SGCZ: variants seen among roughly 807,000 people sequenced by gnomAD.
SGCZ encodes the protein zeta-sarcoglycan.
Under a neutral mutation model 41.3 loss-of-function variants are expected in SGCZ, and 40 were observed. That is an observed-to-expected ratio of 0.97 (90% CI 0.75 to 1.26). The LOEUF (loss-of-function observed/expected upper bound fraction) is 1.26. Ranked by LOEUF, SGCZ falls within the 50% of genes most tolerant of loss-of-function variation. The pLI is 0.00. For missense variants in SGCZ, 552 were observed against 369.8 expected, an observed-to-expected ratio of 1.49 and a Z score of -4.04; for synonymous variants, 206 against 137.5, an observed-to-expected ratio of 1.50 and a Z score of -3.49.
At chr8:15,059,215 T>C (rs1484212301) in intron 1 of SGCZ, among the ~76,000 whole-genome samples, 1 of 152,160 alleles carries the variant, frequency 6.6e-6, no homozygotes, top group Non-Finnish European at 1.5e-5. Flanking sequence ...AAAATATTTT[T>C]ATTGCCTTCC....
intron 1 of SGCZ, among the ~76,000 whole-genome samples, chr8:14,558,753 A>G (rs1431969187): frequency 1.3e-5 from 2 of 152,132 alleles, no homozygotes; most frequent in African/African-American, 4.8e-5. Flanking sequence ...ATACTAGCTA[A>G]CCAAATCCAA....
At position 14,373,285 on chromosome 8, in the gene SGCZ, C is replaced by A. The variant is rs530393654; in HGVS notation, c.235-49081G>T. ...GAAAAGATTTACTGGAACATCGATG[C>A]ATAATTAACAGTTTCATTTTGGACA... On this transcript the variant is annotated intron_variant, in intron 2 of 7. Transcript: ENST00000382080. 2.0e-4 allele frequency among the ~76,000 whole-genome samples: 31 copies of A among 152,250 alleles called. No individual in the cohort carries two copies. In the South Asian group the frequency reaches 6.2e-3, roughly 31 times the overall value.
chr8:14,495,353 T>G (rs1420674816), intron 2 of SGCZ, among the ~76,000 whole-genome samples: 1 of 152,202 alleles, frequency 6.6e-6, no homozygotes, highest in Non-Finnish European at 1.5e-5. Flanking sequence ...ATATGTCTGC[T>G]GAATAAATTA....
chr8:14,714,448 TA>T (rs1291927588), intron 1 of SGCZ, among the ~76,000 whole-genome samples: 1 of 152,244 alleles, frequency 6.6e-6, no homozygotes, highest in East Asian at 1.9e-4. Flanking sequence ...AACTGGCATT[TA>T]AAAACTTACA....
chr8:14,198,587 A>C (rs141698215), intron 4 of SGCZ, among the ~76,000 whole-genome samples: 2 of 106,200 alleles, frequency 1.9e-5, no homozygotes, highest in Non-Finnish European at 3.6e-5. Context: ...ACCAGAATCT[A>C]AAATAAAAGT....
At chr8:14,790,534 G>A (rs1447167552) in intron 1 of SGCZ, among the ~76,000 whole-genome samples, 1 of 152,026 alleles carries the variant, frequency 6.6e-6, no homozygotes, top group South Asian at 2.1e-4. Flanking sequence ...TTAACAAAGA[G>A]AGTATTTATA....
At chr8:14,817,216 G>A (rs528769206) in intron 1 of SGCZ, among the ~76,000 whole-genome samples, 4 of 152,256 alleles carry the variant, frequency 2.6e-5, no homozygotes, top group Admixed American at 2.6e-4. Flanking sequence ...CCATAGAGAG[G>A]GGATGGAGGC....
chr8:14,213,825 A>C (rs183058053), intron 4 of SGCZ, among the ~76,000 whole-genome samples: 5 of 152,270 alleles, frequency 3.3e-5, no homozygotes, highest in Non-Finnish European at 5.9e-5. Context: ...CAAAGTTTCA[A>C]GACTTCACTT....
intron 1 of SGCZ, among the ~76,000 whole-genome samples, chr8:14,577,728 C>T (rs1029701628): frequency 6.6e-6 from 1 of 152,142 alleles, no homozygotes. Flanking sequence ...CAACAATTGT[C>T]CTTCCAATCT....
intron 7 of SGCZ, among the ~76,000 whole-genome samples, chr8:14,096,353 G>T (rs2116964932): frequency 6.6e-6 from 1 of 152,214 alleles, no homozygotes; most frequent in Admixed American, 6.5e-5. Flanking sequence ...TGCATCTATT[G>T]AGATAAACAG....
intron 2 of SGCZ, among the ~76,000 whole-genome samples, chr8:14,410,738 G>T (rs1799337871): frequency 6.6e-6 from 1 of 151,974 alleles, no homozygotes; most frequent in African/African-American, 2.4e-5. Flanking sequence ...TAATAAACCT[G>T]CACGTTTTGC....
intron 1 of SGCZ, among the ~76,000 whole-genome samples, chr8:14,719,498 C>T (rs1229106306): frequency 6.6e-6 from 1 of 151,632 alleles, no homozygotes; most frequent in Non-Finnish European, 1.5e-5. Flanking sequence ...TATTTCTCCA[C>T]ATCCTCTCCA....
intron 1 of SGCZ, among the ~76,000 whole-genome samples, chr8:14,689,544 C>G (rs1188224398): frequency 6.6e-6 from 1 of 152,110 alleles, no homozygotes; most frequent in Non-Finnish European, 1.5e-5. Flanking sequence ...TTTTAGCACA[C>G]TAAGGGCTTT....
At chr8:14,970,797 A>G (rs1801266932) in intron 1 of SGCZ, among the ~76,000 whole-genome samples, 1 of 152,108 alleles carries the variant, frequency 6.6e-6, no homozygotes. Flanking sequence ...GTCCATTTCT[A>G]TATGAATTTG....
At chr8:15,132,013 C>A (rs2116975300) in intron 1 of SGCZ, among the ~76,000 whole-genome samples, 1 of 152,282 alleles carries the variant, frequency 6.6e-6, no homozygotes, top group Non-Finnish European at 1.5e-5. Context: ...CAGCCATTTT[C>A]TAGAACAAAT....
Position 14,604,355 on chromosome 8 carries a change from C to A in SGCZ, c.40-49429G>T, listed in dbSNP as rs78182794. On this transcript the variant is annotated intron_variant, in intron 1 of 7. Coordinates refer to ENST00000382080, the MANE Select transcript of SGCZ (RefSeq NM_139167.4). Reference sequence around the variant, plus strand: ...AGTGTAAGCTCACCAGGAAAGTATGCCAAGATCAATTATTGATGTCTGCCA... The same window carrying A: ...AGTGTAAGCTCACCAGGAAAGTATGACAAGATCAATTATTGATGTCTGCCA... 3.8e-3 allele frequency among the ~76,000 whole-genome samples: 573 copies of A among 152,166 alleles called. 8 individuals carry two copies. Among genetic ancestry groups the A allele is most frequent in the African/African-American group, 0.013 (550 of 41,516 alleles).
intron 1 of SGCZ, among the ~76,000 whole-genome samples, chr8:14,608,869 C>T (rs377235317): frequency 2.6e-5 from 4 of 151,870 alleles, no homozygotes; most frequent in African/African-American, 7.3e-5. Flanking sequence ...AAAAAAGGTC[C>T]AACTTTTTCT....
chr8:14,230,425 C>G (rs1806519970), intron 4 of SGCZ, among the ~76,000 whole-genome samples: 1 of 152,064 alleles, frequency 6.6e-6, no homozygotes. Flanking sequence ...TTCACATCTA[C>G]TATATGAGGC....
chr8:15,179,546 G>C (rs1230227331), intron 1 of SGCZ, among the ~76,000 whole-genome samples: 1 of 152,130 alleles, frequency 6.6e-6, no homozygotes, highest in Non-Finnish European at 1.5e-5. Flanking sequence ...CGTTGTTTCA[G>C]TAATGTGAAT....
Sources: gnomAD v4.1 joint callset for allele counts (sites outside exome capture counted in the v4.1 genomes callset) on GRCh38, gnomAD v4.1.1 for gene constraint, MANE v1.5 for transcripts, NCBI Gene and HGNC (gene_info 2026-07-23, HGNC 2026-07-21) for gene names.